EIF4G3: variants seen among roughly 807,000 people sequenced by gnomAD.
EIF4G3 encodes the protein eIF-4-gamma 3.
A neutral mutation model predicts 186.4 loss-of-function variants in EIF4G3; 34 were observed. The observed-to-expected ratio is 0.18, with a 90% confidence interval of 0.14 to 0.24. The LOEUF (loss-of-function observed/expected upper bound fraction) is 0.24. EIF4G3 is among the 10% of genes least tolerant of loss of function. The pLI is 1.00. For missense variants in EIF4G3, 1,536 were observed against 1,948.5 expected (o/e 0.79, Z 3.99); for synonymous variants, 673 against 679.5 (o/e 0.99, Z 0.15).
Position 20,810,638 on chromosome 1 carries a change from C to A in EIF4G3, c.4744+100G>T. The A allele has an allele frequency of 1.5e-6, 2 of 1,361,114 alleles. No individual in the cohort carries two copies. Among genetic ancestry groups the A allele is most frequent in the Non-Finnish European group, 2.0e-6 (2 of 980,290 alleles). 84.3% of individuals were successfully genotyped at this position (1,361,114 alleles called of 1,614,324 possible). ...ATATGAGTTTGTGTTATTAGTGATT[C>A]TTTTATTGTCCTTTGTTCGAACCCT... On this transcript the variant is annotated intron_variant, in intron 36 of 36. Transcript: ENST00000602326. The surrounding 1 kb of genome is among the most constrained non-coding windows in gnomAD (Gnocchi z 4.1).
chr1:20,943,554 G>A (rs2095802350), intron 13 of EIF4G3, among the ~76,000 whole-genome samples: 1 of 152,134 alleles, frequency 6.6e-6, no homozygotes, highest in African/African-American at 2.4e-5. Context: ...ACAATAAACA[G>A]GCTCCATGGA....
At chr1:21,024,862 G>A (rs1411904753) in intron 4 of EIF4G3, among the ~76,000 whole-genome samples, 2 of 145,832 alleles carry the variant, frequency 1.4e-5, no homozygotes, top group Non-Finnish European at 3.0e-5. Context: ...ATCCCCCTCT[G>A]TGAGAAACAC....
chr1:20,964,965 CTG>C (rs2074282960), intron 12 of EIF4G3, among the ~76,000 whole-genome samples: 1 of 152,190 alleles, frequency 6.6e-6, no homozygotes, highest in Non-Finnish European at 1.5e-5. Context: ...CTCTCTCCAC[CTG>C]CTGGGTGAGT....
intron 34 of EIF4G3, among the ~76,000 whole-genome samples, chr1:20,816,129 C>T (rs1192227200): frequency 5.9e-5 from 8 of 135,450 alleles, no homozygotes; most frequent in Non-Finnish European, 1.1e-4. Context: ...CGGCCAGCCG[C>T]CCCGTCCGGG....
chr1:21,002,622 C>T, intron 5 of EIF4G3, 91 bp downstream of exon 5: 3 of 1,322,974 alleles, frequency 2.3e-6, no homozygotes, highest in Non-Finnish European at 3.1e-6. Context: ...CTTCCAAAAT[C>T]CAGTAAAAAT....
intron 4 of EIF4G3, among the ~76,000 whole-genome samples, chr1:21,009,328 T>A (rs2086263123): frequency 6.6e-6 from 1 of 152,138 alleles, no homozygotes; most frequent in Non-Finnish European, 1.5e-5. Flanking sequence ...TATAGGCACA[T>A]ACCACAATGC....
intron 7 of EIF4G3, among the ~76,000 whole-genome samples, chr1:20,987,542 CATTATT>C (rs1200373208): frequency 2.0e-5 from 3 of 152,098 alleles, no homozygotes; most frequent in Non-Finnish European, 4.4e-5. Context: ...TCAATTTTTT[CATTATT>C]ATTATATCTG....
intron 12 of EIF4G3, among the ~76,000 whole-genome samples, chr1:20,961,207 AC>A (rs2096561242): frequency 6.6e-6 from 1 of 151,866 alleles, no homozygotes; most frequent in Non-Finnish European, 1.5e-5. Flanking sequence ...ATGTGGTGAA[AC>A]CCCGTCTCTA....
intron 4 of EIF4G3, among the ~76,000 whole-genome samples, chr1:21,039,895 C>T (rs548311991): frequency 6.6e-6 from 1 of 152,282 alleles, no homozygotes; most frequent in Admixed American, 6.5e-5. Flanking sequence ...GGCCAATAAG[C>T]ACTTTAAAAG....
Position 20,980,550 on chromosome 1 carries a change from C to G in EIF4G3, c.379-102G>C. 4 of 794,982 alleles carry G rather than the reference C, an allele frequency of 5.0e-6. No individual in the cohort carries two copies. In the South Asian group the frequency reaches 8.4e-5, roughly 17 times the overall value. 49.2% of individuals were successfully genotyped at this position (794,982 alleles called of 1,614,324 possible). A position where few individuals can be genotyped will look rare whatever the true frequency, so the allele number is the denominator to read the frequency against. ...GTAGCTTACTACAGAAAGTAAAGTT[C>G]TCTGTGTAAGAGAATCATTTAAATG... is the stretch of plus-strand genomic sequence containing the variant. On this transcript the variant is annotated intron_variant, in intron 9 of 36. Transcript: ENST00000602326.
intron 2 of EIF4G3, among the ~76,000 whole-genome samples, chr1:21,171,291 T>C (rs1380693411): frequency 2.0e-5 from 3 of 152,246 alleles, no homozygotes; most frequent in African/African-American, 7.2e-5. Flanking sequence ...AAATAGATTG[T>C]GTCTCACCAC....
intron 33 of EIF4G3, among the ~76,000 whole-genome samples, chr1:20,822,382 T>G (rs1268262981): frequency 9.4e-6 from 1 of 105,938 alleles, no homozygotes; most frequent in Non-Finnish European, 2.0e-5. Context: ...TTTTTTTTTT[T>G]GAGACGGAGT....
At chr1:21,082,230 C>T (rs549736270) in intron 3 of EIF4G3, among the ~76,000 whole-genome samples, 7 of 150,220 alleles carry the variant, frequency 4.7e-5, no homozygotes, top group Non-Finnish European at 7.4e-5. Flanking sequence ...GGCCAGGAGC[C>T]TTTCAAGGAA....
At chr1:20,961,465 A>C (rs1023533300) in intron 12 of EIF4G3, among the ~76,000 whole-genome samples, 1 of 152,202 alleles carries the variant, frequency 6.6e-6, no homozygotes, top group African/African-American at 2.4e-5. Context: ...ACACATTCAC[A>C]TAATTCAAAG....
chr1:21,134,871 AGT>A (rs757876660), intron 2 of EIF4G3, among the ~76,000 whole-genome samples: 1 of 150,884 alleles, frequency 6.6e-6, no homozygotes, highest in Non-Finnish European at 1.5e-5. Flanking sequence ...AGTACTATGC[AGT>A]GTTTTTTTTT....
intron 2 of EIF4G3, among the ~76,000 whole-genome samples, chr1:21,097,190 C>A (rs1020736823): frequency 6.6e-6 from 1 of 152,150 alleles, no homozygotes; most frequent in Non-Finnish European, 1.5e-5. Flanking sequence ...CAAGGATACA[C>A]GATCTTTCCA....
At chr1:20,949,601 A>G (rs2096117088) in intron 13 of EIF4G3, among the ~76,000 whole-genome samples, 1 of 152,220 alleles carries the variant, frequency 6.6e-6, no homozygotes, top group Admixed American at 6.5e-5. Flanking sequence ...ACTTGTAAGA[A>G]GAAATGTTTT....
intron 2 of EIF4G3, among the ~76,000 whole-genome samples, chr1:21,161,030 A>C (rs1329234090): frequency 6.6e-6 from 1 of 151,924 alleles, no homozygotes; most frequent in Non-Finnish European, 1.5e-5. Context: ...AATTAGCCAG[A>C]AGCAGTAGTG....
intron 19 of EIF4G3, among the ~76,000 whole-genome samples, chr1:20,885,801 T>A (rs2083929140): frequency 6.6e-6 from 1 of 152,188 alleles, no homozygotes. Flanking sequence ...CAAAACAAGA[T>A]GAGTTTCTAA....
Sources: allele counts gnomAD v4.1 joint callset (sites outside exome capture counted in the v4.1 genomes callset), GRCh38; gene constraint gnomAD v4.1.1; non-coding constraint Gnocchi (gnomAD v3.1); transcripts MANE v1.5; gene names NCBI Gene and HGNC (gene_info 2026-07-23, HGNC 2026-07-21).